PRKN: variants seen among roughly 807,000 people sequenced by gnomAD.
PRKN encodes the protein E3 ubiquitin-protein ligase parkin.
A neutral mutation model predicts 59.5 loss-of-function variants in PRKN; 56 were observed. That is an observed-to-expected ratio of 0.94 (90% CI 0.76 to 1.18). The LOEUF (loss-of-function observed/expected upper bound fraction) is 1.18. PRKN is among the 50% of genes most tolerant of loss of function. The pLI, the probability that PRKN is intolerant of heterozygous loss-of-function variation, is 0.00. For missense variants in PRKN, 657 were observed against 596.4 expected, an observed-to-expected ratio of 1.10 and a Z score of -1.06; for synonymous variants, 250 against 222.1, an observed-to-expected ratio of 1.13 and a Z score of -1.12.
intron 6 of PRKN, among the ~76,000 whole-genome samples, chr6:161,808,207 T>C (rs1005890573): frequency 6.6e-6 from 1 of 152,182 alleles, no homozygotes; most frequent in African/African-American, 2.4e-5. Context: ...ATAATAATCT[T>C]CTAAGACTAC....
chr6:161,779,186 CA>C lies in PRKN; in HGVS notation c.871+6585del, dbSNP rs1790081808. ...AACTGCTGACCTCAGGTGATTCGCCCACCTTGGCCTCCCAAAGTGCTGGGAT... is the reference window on the plus strand; with the variant it reads ...AACTGCTGACCTCAGGTGATTCGCCCCCTTGGCCTCCCAAAGTGCTGGGAT... On this transcript the variant is annotated intron_variant, in intron 7 of 11. Transcript: ENST00000366898. 2.0e-5 allele frequency among the ~76,000 whole-genome samples: 3 copies of C among 152,094 alleles called. No individual in the cohort carries two copies. In the South Asian group the frequency reaches 6.2e-4, roughly 32 times the overall value.
chr6:162,520,194 T>A (rs1778030785), intron 1 of PRKN, among the ~76,000 whole-genome samples: 1 of 149,038 alleles, frequency 6.7e-6, no homozygotes, highest in Non-Finnish European at 1.5e-5. Flanking sequence ...CAAAGAAGAA[T>A]CAGACATTTC....
chr6:162,517,587 T>C (rs1777919819), intron 1 of PRKN, among the ~76,000 whole-genome samples: 1 of 152,024 alleles, frequency 6.6e-6, no homozygotes, highest in South Asian at 2.1e-4. Context: ...AAATTAAAAA[T>C]TATTCCATCG....
rs1787977691 is a variant in PRKN at position 162,404,796 on chromosome 6, C to A, written c.171+38514G>T. Among the ~76,000 whole-genome samples, 4 of 152,188 alleles carry A rather than the reference C, an allele frequency of 2.6e-5. No homozygotes were observed. In the South Asian group the frequency reaches 6.2e-4, roughly 24 times the overall value. On this transcript the variant is annotated intron_variant, in intron 2 of 11. Coordinates refer to ENST00000366898, the MANE Select transcript of PRKN (RefSeq NM_004562.3). ...CGAACTCCTGACCTCAGGTGATCTG[C>A]CCGCCTCGGCCTCCCAAAGTGCTGG...
chr6:161,876,651 T>A (rs1192857574), intron 6 of PRKN, among the ~76,000 whole-genome samples: 3 of 152,166 alleles, frequency 2.0e-5, no homozygotes, highest in Non-Finnish European at 4.4e-5. Context: ...TGTAGTGTCA[T>A]CCAAGATTAA....
At chr6:161,973,471 C>T (rs1182691697) in intron 5 of PRKN, 54 bp from the exon 6 acceptor site, 1 of 968,470 alleles carries the variant, frequency 1.0e-6, no homozygotes. Flanking sequence ...CTCATTTTTC[C>T]TCTAAATGTT....
chr6:161,886,723 T>A (rs138441669), intron 6 of PRKN, among the ~76,000 whole-genome samples: 11,663 of 127,662 alleles, frequency 0.091, 476 homozygotes, highest in South Asian at 0.12. Context: ...TAACATAAAA[T>A]AACATAAAAT....
At chr6:161,406,561 G>A (rs1787286486) in intron 9 of PRKN, among the ~76,000 whole-genome samples, 1 of 152,060 alleles carries the variant, frequency 6.6e-6, no homozygotes, top group African/African-American at 2.4e-5. Flanking sequence ...AGGATTTTGA[G>A]TGCAATGCTC....
At position 162,050,282 on chromosome 6, in the gene PRKN, G is replaced by A. The variant is rs188745209; in HGVS notation, c.618+3809C>T. 2.2e-4 allele frequency among the ~76,000 whole-genome samples: 33 copies of A among 152,210 alleles called. No homozygotes were observed. The East Asian group carries it at 5.6e-3, about 26-fold the overall frequency. On this transcript the variant is annotated intron_variant, in intron 5 of 11. Transcript: ENST00000366898. ...ACTTTCGATGTTTTTCTGCTCACAT[G>A]TTTTAGGTATGTCTTTTGTAACCTG...
intron 7 of PRKN, among the ~76,000 whole-genome samples, chr6:161,608,428 C>A (rs1052216720): frequency 6.6e-6 from 1 of 152,018 alleles, no homozygotes. Flanking sequence ...TTTGCAGGCA[C>A]ATGTTGTGTA....
chr6:161,972,869 T>A (rs994898041), intron 6 of PRKN, among the ~76,000 whole-genome samples: 1 of 152,168 alleles, frequency 6.6e-6, no homozygotes, highest in Admixed American at 6.6e-5. Context: ...CTGTCTCTAC[T>A]ACAAATACAA....
rs1478960427 is a variant in PRKN, at chr6:161,592,244, T to C, written c.872-22828A>G. On this transcript the variant is annotated intron_variant, in intron 7 of 11. Transcript: ENST00000366898. This position sits in a 1 kb window ranked among gnomAD's most constrained non-coding sequence, Gnocchi z 4.8. ...ATAGATACAGGGGGTTGACAGACAC[T>C]AGGTTGAGGTAATGCTTCATGATTG... Among the ~76,000 whole-genome samples, 2 of 152,152 alleles carry C rather than the reference T, an allele frequency of 1.3e-5. No individual in the cohort carries two copies. The highest frequency in any genetic ancestry group is 4.8e-5 in the African/African-American group (2 of 41,428).
intron 3 of PRKN, among the ~76,000 whole-genome samples, chr6:162,220,769 A>G (rs946626960): frequency 2.6e-5 from 4 of 152,242 alleles, no homozygotes; most frequent in South Asian, 2.1e-4. Flanking sequence ...CCGTCAGGGA[A>G]AAGTACTCAA....
At chr6:161,905,122 G>A (rs1778092632) in intron 6 of PRKN, among the ~76,000 whole-genome samples, 1 of 152,034 alleles carries the variant, frequency 6.6e-6, no homozygotes, top group Non-Finnish European at 1.5e-5. Flanking sequence ...CCACTTCCCA[G>A]CTTTTTTTCA....
intron 4 of PRKN, among the ~76,000 whole-genome samples, chr6:162,067,026 T>A (rs1343569509): frequency 6.6e-6 from 1 of 152,194 alleles, no homozygotes; most frequent in African/African-American, 2.4e-5. Context: ...AACAGAGGTG[T>A]CCTGTGGAAA....
chr6:162,499,004 C>T (rs1793233159), intron 1 of PRKN, among the ~76,000 whole-genome samples: 1 of 152,092 alleles, frequency 6.6e-6, no homozygotes, highest in South Asian at 2.1e-4. Context: ...GTTTGTGTTG[C>T]TGCCAAAGAG....
intron 2 of PRKN, among the ~76,000 whole-genome samples, chr6:162,326,372 T>C (rs1783278046): frequency 6.6e-6 from 1 of 152,272 alleles, no homozygotes; most frequent in East Asian, 1.9e-4. Context: ...CCTAAAGCAG[T>C]ATGTTTGCAC....
At chr6:162,091,465 G>A (rs1779493439) in intron 4 of PRKN, among the ~76,000 whole-genome samples, 1 of 152,164 alleles carries the variant, frequency 6.6e-6, no homozygotes, top group African/African-American at 2.4e-5. Flanking sequence ...TTATTAAAAT[G>A]TAGAAAGTGT....
At chr6:161,918,737 T>C (rs1286719992) in intron 6 of PRKN, among the ~76,000 whole-genome samples, 3 of 152,136 alleles carry the variant, frequency 2.0e-5, no homozygotes, top group Non-Finnish European at 4.4e-5. Context: ...CACAATGCCA[T>C]GTAATTAGGC....
Sources: allele counts gnomAD v4.1 joint callset (sites outside exome capture counted in the v4.1 genomes callset), GRCh38; gene constraint gnomAD v4.1.1; non-coding constraint Gnocchi (gnomAD v3.1); transcripts MANE v1.5; gene names NCBI Gene and HGNC (gene_info 2026-07-23, HGNC 2026-07-21).